Variants in SYT9 observed in about 807,000 individuals in gnomAD.
SYT9 encodes the protein synaptotagmin-9.
In SYT9, 22 loss-of-function variants were observed where a neutral mutation model predicts 48.4. The ratio of observed to expected loss-of-function variants is 0.45; its 90% confidence interval spans 0.32 to 0.65. The LOEUF is 0.65. Among genes scored for constraint, SYT9 ranks in the 30% least tolerant of loss-of-function variants. The pLI is 0.03. For synonymous variants in SYT9, 265 were observed against 245.0 expected (o/e 1.08, Z -0.76); for missense variants, 577 against 622.0 (o/e 0.93, Z 0.77).
intron 3 of SYT9, among the ~76,000 whole-genome samples, chr11:7,405,013 T>C (rs1846974928): frequency 6.6e-6 from 1 of 151,690 alleles, no homozygotes; most frequent in African/African-American, 2.4e-5. Flanking sequence ...TTTCTTTGTA[T>C]GGTGTTTTTC....
At chr11:7,297,057 ACGG>A (rs1848823798) in intron 1 of SYT9, among the ~76,000 whole-genome samples, 6 of 78,566 alleles carry the variant, frequency 7.6e-5, no homozygotes, top group South Asian at 9.6e-4. Flanking sequence ...ATTCTGAACC[ACGG>A]TGTGTGTGTG....
At chr11:7,386,101 G>C (rs1202437950) in intron 3 of SYT9, among the ~76,000 whole-genome samples, 1 of 151,982 alleles carries the variant, frequency 6.6e-6, no homozygotes, top group Non-Finnish European at 1.5e-5. Context: ...GTATTACAAG[G>C]TATTTCATAT....
chr11:7,344,245 T>A (rs1308694397), intron 3 of SYT9, among the ~76,000 whole-genome samples: 3 of 146,814 alleles, frequency 2.0e-5, no homozygotes, highest in Non-Finnish European at 2.9e-5. Flanking sequence ...ATCCCCCATC[T>A]TTTTTTTTCG....
chr11:7,414,184 C>G (rs7116485), intron 3 of SYT9, among the ~76,000 whole-genome samples: 1 of 152,060 alleles, frequency 6.6e-6, no homozygotes, highest in Non-Finnish European at 1.5e-5. Context: ...GTGCACAGTG[C>G]GGGCCCTCAG....
At chr11:7,357,308 A>G (rs575974426) in intron 3 of SYT9, among the ~76,000 whole-genome samples, 44 of 152,328 alleles carry the variant, frequency 2.9e-4, no homozygotes, top group African/African-American at 1.0e-3. Flanking sequence ...GGAAATTGTC[A>G]AGGACTATGT....
At chr11:7,406,996 T>C (rs1348950195) in intron 3 of SYT9, among the ~76,000 whole-genome samples, 3 of 152,288 alleles carry the variant, frequency 2.0e-5, no homozygotes, top group Non-Finnish European at 4.4e-5. Context: ...TGTATGTCTT[T>C]TCTTGATAAA....
At chr11:7,273,183 G>C (rs1212530518) in intron 1 of SYT9, among the ~76,000 whole-genome samples, 1 of 152,132 alleles carries the variant, frequency 6.6e-6, no homozygotes, top group Non-Finnish European at 1.5e-5. Context: ...ATGAGAAAGA[G>C]AGACTGAATT....
chr11:7,267,032 C>T (rs1564841277), intron 1 of SYT9, among the ~76,000 whole-genome samples: 1 of 151,814 alleles, frequency 6.6e-6, no homozygotes, highest in East Asian at 1.9e-4. Context: ...ATTAACATTC[C>T]TATAAAAAAC....
chr11:7,432,571 AAAAAAAAAAAAATATATATACATATATAT>A (rs1564901948), intron 6 of SYT9, among the ~76,000 whole-genome samples: 3 of 13,096 alleles, frequency 2.3e-4, no homozygotes, highest in African/African-American at 1.1e-3. Flanking sequence ...AAAAAAAAAA[AAAAAAAAAAAAATATATATACATATATAT>A]ATATATATAT....
chr11:7,364,761 T>C (rs1249773316), intron 3 of SYT9, among the ~76,000 whole-genome samples: 1 of 152,230 alleles, frequency 6.6e-6, no homozygotes, highest in African/African-American at 2.4e-5. Context: ...TGAGCAGAAT[T>C]AGTTGTCTTC....
chr11:7,274,317 CTTTTTT>C (rs576480483), intron 1 of SYT9, among the ~76,000 whole-genome samples: 3 of 125,044 alleles, frequency 2.4e-5, no homozygotes, highest in South Asian at 2.6e-4. Flanking sequence ...TGAAGTTCAT[CTTTTTT>C]TTTTTTTTTT....
At chr11:7,414,801 C>T (rs1040983866) in intron 3 of SYT9, among the ~76,000 whole-genome samples, 5 of 152,094 alleles carry the variant, frequency 3.3e-5, no homozygotes, top group African/African-American at 1.2e-4. Context: ...CTTCCAGAGC[C>T]GAATCTGTGC....
At chr11:7,395,833 A>T (rs1846741924) in intron 3 of SYT9, among the ~76,000 whole-genome samples, 1 of 151,990 alleles carries the variant, frequency 6.6e-6, no homozygotes, top group Non-Finnish European at 1.5e-5. Flanking sequence ...GACCATTTAC[A>T]TTCATGGTTA....
intron 1 of SYT9, among the ~76,000 whole-genome samples, chr11:7,287,834 C>G (rs952144726): frequency 2.0e-5 from 3 of 152,122 alleles, no homozygotes; most frequent in African/African-American, 7.2e-5. Flanking sequence ...AATTATGCAG[C>G]AGCAAACATC....
chr11:7,376,014 C>G (rs1850445945), intron 3 of SYT9, among the ~76,000 whole-genome samples: 1 of 152,050 alleles, frequency 6.6e-6, no homozygotes, highest in African/African-American at 2.4e-5. Context: ...GGTGCTGTCT[C>G]CCTTTTCTAA....
chr11:7,411,512 A>C (rs1254503398), intron 3 of SYT9, among the ~76,000 whole-genome samples: 2 of 152,194 alleles, frequency 1.3e-5, no homozygotes, highest in South Asian at 2.1e-4. Flanking sequence ...GTATATACTT[A>C]AGTGGCTTTT....
At chr11:7,301,626 G>A (rs55711191) in intron 1 of SYT9, among the ~76,000 whole-genome samples, 6,003 of 152,196 alleles carry the variant, frequency 0.039, 422 homozygotes, top group African/African-American at 0.14. Context: ...CATGGCGTGC[G>A]CCTATCATGT....
chr11:7,444,214 A>T (rs1847888544), intron 6 of SYT9: 1 of 152,310 alleles, frequency 6.6e-6, no homozygotes. Context: ...TTCCAGCTGC[A>T]AGGAGAGAGC....
intron 1 of SYT9, among the ~76,000 whole-genome samples, chr11:7,266,096 A>AC (rs1848175976): frequency 6.6e-6 from 1 of 152,002 alleles, no homozygotes; most frequent in African/African-American, 2.4e-5. Flanking sequence ...TTCCATTCTT[A>AC]TTTTTTTAGA....
Sources: gnomAD v4.1 joint callset for allele counts (sites outside exome capture counted in the v4.1 genomes callset) on GRCh38, gnomAD v4.1.1 for gene constraint, MANE v1.5 for transcripts, NCBI Gene and HGNC (gene_info 2026-07-23, HGNC 2026-07-21) for gene names.